The following DHX30 variants were observed in gnomAD, a reference collection of about 807,000 sequenced individuals.
DHX30 encodes ATP-dependent RNA helicase DHX30.
Under a neutral mutation model 116.9 loss-of-function variants are expected in DHX30, and 4 were observed. That is an observed-to-expected ratio of 0.03 (90% CI 0.02 to 0.08). The LOEUF (loss-of-function observed/expected upper bound fraction) is 0.08. Ranked by LOEUF, DHX30 falls within the 10% of genes least tolerant of loss-of-function variation. The pLI is 1.00. For synonymous variants in DHX30, 697 were observed against 651.7 expected, an observed-to-expected ratio of 1.07 and a Z score of -1.06; for missense variants, 871 against 1,595.1, an observed-to-expected ratio of 0.55 and a Z score of 7.73.
intron 6 of DHX30, among the ~76,000 whole-genome samples, chr3:47,835,133 G>C (rs952253281): frequency 6.8e-6 from 1 of 147,812 alleles, no homozygotes; most frequent in Non-Finnish European, 1.5e-5. Context: ...CCTCCCGAGT[G>C]CCTGGGATTA....
At chr3:47,826,724 T>C (rs1263086199) in intron 4 of DHX30, among the ~76,000 whole-genome samples, 2 of 152,244 alleles carry the variant, frequency 1.3e-5, no homozygotes, top group African/African-American at 4.8e-5. Context: ...AGTGCTGGGA[T>C]TACAGGCGTG....
At position 47,847,498 on chromosome 3, in the gene DHX30, C is replaced by T. The variant is rs1174578694; in HGVS notation, c.2072C>T (p.Ala691Val). 1 of 1,612,606 alleles carries T rather than the reference C, an allele frequency of 6.2e-7. No individual in the cohort carries two copies. ...GGAGTGCAGCAGCGCCTCCAGGAGG[C>T]CCTGGGCATGCACGAGAGCAAGTAC... is the stretch of plus-strand genomic sequence containing the variant. ...IKGVQQRLQE[A>V]LGMHESKYLI... The change falls in exon 13 of 22, where the codon GCC (alanine) becomes GTC (valine). Residue 691 changes from alanine (A) to valine (V), a missense_variant. Coordinates refer to ENST00000445061, the MANE Select transcript of DHX30 (RefSeq NM_138615.3). The surrounding 1 kb of genome is among the most constrained non-coding windows in gnomAD (Gnocchi z 5.5).
intron 3 of DHX30, among the ~76,000 whole-genome samples, chr3:47,813,891 C>CTTTTTTTTT (rs71070233): frequency 2.5e-5 from 2 of 80,592 alleles, no homozygotes; most frequent in Non-Finnish European, 4.9e-5. Flanking sequence ...TCATCCTGGG[C>CTTTTTTTTT]TTTTTTTTTT....
chr3:47,847,720 A>G lies in DHX30; in HGVS notation c.2111-61A>G. 5 of 1,571,654 alleles carry G rather than the reference A, an allele frequency of 3.2e-6. No individual in the cohort carries two copies. The South Asian group carries it at 5.8e-5, about 18-fold the overall frequency. On this transcript the variant is annotated intron_variant, in intron 13 of 21. Coordinates refer to ENST00000445061, the MANE Select transcript of DHX30 (RefSeq NM_138615.3). The surrounding 1 kb of genome is among the most constrained non-coding windows in gnomAD (Gnocchi z 5.5). ...GGGTCAAAATCCTTGCCCTGCCCAC[A>G]TTCCAGGGGGGAATTCTGGTGGAAG...
intron 4 of DHX30, among the ~76,000 whole-genome samples, chr3:47,826,895 C>T (rs1034967791): frequency 6.6e-6 from 1 of 152,108 alleles, no homozygotes; most frequent in African/African-American, 2.4e-5. Flanking sequence ...CCAGGTCTCT[C>T]GTGTGTGTGT....
chr3:47,838,821 C>G (rs970016763), intron 6 of DHX30, among the ~76,000 whole-genome samples: 1 of 152,214 alleles, frequency 6.6e-6, no homozygotes, highest in African/African-American at 2.4e-5. Flanking sequence ...CGTCTTTGTT[C>G]CTTAGACCCT....
At chr3:47,830,018 G>C (rs1410355999) in intron 6 of DHX30, among the ~76,000 whole-genome samples, 1 of 151,394 alleles carries the variant, frequency 6.6e-6, no homozygotes, top group Non-Finnish European at 1.5e-5. Context: ...TTTTAGTAGA[G>C]ATGGGGTTTC....
intron 2 of DHX30, among the ~76,000 whole-genome samples, chr3:47,809,824 CTG>C (rs1345179051): frequency 6.6e-6 from 1 of 152,158 alleles, no homozygotes; most frequent in Non-Finnish European, 1.5e-5. Context: ...TGGCTAAACA[CTG>C]TGTAGATGTT....
Position 47,849,202 on chromosome 3 carries a change from G to A in DHX30, c.2940G>A (p.Lys980=). The A allele has an allele frequency of 6.2e-7, 1 of 1,613,996 alleles. No individual in the cohort carries two copies. Residue 980 remains lysine (K), a synonymous_variant, in exon 19 of 22, where the codon AAG becomes AAA. Coordinates refer to ENST00000445061, the MANE Select transcript of DHX30 (RefSeq NM_138615.3). ...ATTCTGTCTCCCTAGGACTCATCAA[G>A]CAGTTCTCAGAGAACATTTATGAGG... ...PSLRFIHGLI[K]QFSENIYEAF...
At chr3:47,807,941 G>A (rs903913450) in intron 2 of DHX30, among the ~76,000 whole-genome samples, 5 of 150,776 alleles carry the variant, frequency 3.3e-5, no homozygotes, top group Admixed American at 2.0e-4. Context: ...ACAGAGTTTC[G>A]CTCTTGTTGC....
intron 7 of DHX30, 106 bp from the exon 8 acceptor site, chr3:47,841,511 C>G: frequency 4.0e-6 from 6 of 1,503,190 alleles, no homozygotes; most frequent in Non-Finnish European, 5.4e-6. Flanking sequence ...TTCTGCCCTT[C>G]TGGCTCCCTG....
At position 47,849,210 on chromosome 3, in the gene DHX30, C is replaced by G. The variant is rs1290128833; in HGVS notation, c.2948C>G (p.Ser983Ter). ...TCCCTAGGACTCATCAAGCAGTTCT[C>G]AGAGAACATTTATGAGGCCTTCCTG... ...RFIHGLIKQF[S>*]ENIYEAFLVG... The change falls in exon 19 of 22, where the codon TCA becomes TGA. Residue 983 changes from serine to a stop codon, truncating the protein, a stop_gained. Transcript: ENST00000445061. LOFTEE classifies it high-confidence loss of function. 1 of 1,614,040 alleles carries G rather than the reference C, an allele frequency of 6.2e-7. No individual in the cohort carries two copies. Among genetic ancestry groups the G allele is most frequent in the Non-Finnish European group, 8.5e-7 (1 of 1,179,984 alleles).
intron 1 of DHX30, among the ~76,000 whole-genome samples, chr3:47,803,482 C>T (rs1311974877): frequency 6.6e-6 from 1 of 152,168 alleles, no homozygotes; most frequent in African/African-American, 2.4e-5. Flanking sequence ...GGGCGGGCCT[C>T]GCAGCCAGGG....
At chr3:47,803,440 C>CGGGCGG (rs889539631) in intron 1 of DHX30, among the ~76,000 whole-genome samples, 4 of 152,066 alleles carry the variant, frequency 2.6e-5, no homozygotes, top group African/African-American at 9.7e-5. Context: ...CCATGGAGCC[C>CGGGCGG]GGGCGGGGGC....
intron 4 of DHX30, among the ~76,000 whole-genome samples, chr3:47,827,136 C>T (rs943620559): frequency 2.0e-5 from 3 of 152,088 alleles, no homozygotes; most frequent in East Asian, 3.9e-4. Context: ...ATTGGCCCTT[C>T]TTCAGGAGAT....
chr3:47,849,824 C>G (rs766989821), intron 21 of DHX30, 43 bp from the exon 22 acceptor site: 12 of 1,608,624 alleles, frequency 7.5e-6, no homozygotes, highest in Non-Finnish European at 1.0e-5. Flanking sequence ...CCTCCGGGGC[C>G]TGGCCTCACC....
chr3:47,828,998 T>C lies in DHX30; in HGVS notation c.256-26T>C, dbSNP rs755002768. Reference sequence around the variant, plus strand: ...AACTCTAGTCTGGAGTGGCAAGACTTCTGATTTCTCTCTTCTCTTCCCCAG... The same window carrying C: ...AACTCTAGTCTGGAGTGGCAAGACTCCTGATTTCTCTCTTCTCTTCCCCAG... On this transcript the variant is annotated intron_variant, in intron 5 of 21. Transcript: ENST00000445061. The C allele has an allele frequency of 2.0e-6, 3 of 1,487,540 alleles. No individual in the cohort carries two copies. The African/African-American group carries it at 4.2e-5, about 21-fold the overall frequency. 92.1% of individuals were successfully genotyped at this position (1,487,540 alleles called of 1,614,324 possible).
intron 6 of DHX30, chr3:47,830,913 C>T (rs1378852583): frequency 6.6e-6 from 1 of 152,122 alleles, no homozygotes; most frequent in Non-Finnish European, 1.5e-5. Context: ...AAGTCTTCAT[C>T]TCTGCTCTGA....
At chr3:47,829,315 T>TA (rs869292091) in intron 6 of DHX30, among the ~76,000 whole-genome samples, 181 bp downstream of exon 6, 5,777 of 32,028 alleles carry the variant, frequency 0.18, 224 homozygotes, top group Middle Eastern at 0.29. Context: ...TATATATATA[T>TA]TTTTTTTTTT....
Sources: gnomAD v4.1 joint callset for allele counts (sites outside exome capture counted in the v4.1 genomes callset) on GRCh38, gnomAD v4.1.1 for gene constraint, Gnocchi (gnomAD v3.1) non-coding constraint, MANE v1.5 for transcripts, NCBI Gene and HGNC (gene_info 2026-07-23, HGNC 2026-07-21) for gene names.